FRMD3: variants seen among roughly 807,000 people sequenced by gnomAD.
FRMD3 encodes FERM domain containing 3, also known as FERM domain-containing protein 3.
Under a neutral mutation model 70.2 loss-of-function variants are expected in FRMD3, and 33 were observed. The ratio of observed to expected loss-of-function variants is 0.47; its 90% CI spans 0.36 to 0.63. The LOEUF (loss-of-function observed/expected upper bound fraction) is 0.63, where lower values mean the gene tolerates loss of function less well. Ranked by LOEUF, FRMD3 falls within the 20% of genes least tolerant of loss-of-function variation. The pLI is 0.00. For missense variants in FRMD3, 632 were observed against 711.4 expected, an observed-to-expected ratio of 0.89 and a Z score of 1.27; for synonymous variants, 279 against 255.9, an observed-to-expected ratio of 1.09 and a Z score of -0.86.
At chr9:83,478,623 T>C (rs1008752407) in intron 1 of FRMD3, among the ~76,000 whole-genome samples, 6 of 152,078 alleles carry the variant, frequency 3.9e-5, no homozygotes, top group African/African-American at 1.2e-4. Context: ...AGAATTACCA[T>C]AGGATCCAGC....
In FRMD3 at chr9:83,247,868, A is replaced by C; in HGVS notation, c.*50T>G. ...TCAGAACCAGGCATTTGCTGAAAAAAAGAAATCACTAGCATTGAATATAGC... is the reference window on the plus strand; with the variant it reads ...TCAGAACCAGGCATTTGCTGAAAAACAGAAATCACTAGCATTGAATATAGC... On this transcript the variant is annotated 3_prime_UTR_variant, in exon 14 of 14. Transcript: ENST00000304195. The C allele has an allele frequency of 6.3e-7, 1 of 1,579,446 alleles. No individual in the cohort carries two copies. The highest frequency in any genetic ancestry group is 8.6e-7 in the Non-Finnish European group (1 of 1,162,034).
At chr9:83,548,572 G>A in the FRMD3 span, among the ~76,000 whole-genome samples, 5 of 152,134 alleles carry the variant, frequency 3.3e-5, no homozygotes, top group East Asian at 7.7e-4. Context: ...CATGAGTTCA[G>A]GAGAGTGGGT....
At chr9:83,260,987 A>G (rs1832958964) in intron 13 of FRMD3, among the ~76,000 whole-genome samples, 1 of 152,096 alleles carries the variant, frequency 6.6e-6, no homozygotes, top group African/African-American at 2.4e-5. Flanking sequence ...AAGATCTAAT[A>G]CTACAAATGT....
intron 1 of FRMD3, among the ~76,000 whole-genome samples, chr9:83,406,487 C>T (rs1826107693): frequency 6.6e-6 from 1 of 152,184 alleles, no homozygotes; most frequent in African/African-American, 2.4e-5. Flanking sequence ...AGCTAGGGCT[C>T]TTAGGATGGA....
At chr9:83,419,817 AGTTT>A (rs756073867) in intron 1 of FRMD3, among the ~76,000 whole-genome samples, 2 of 152,148 alleles carry the variant, frequency 1.3e-5, no homozygotes, top group Non-Finnish European at 2.9e-5. Context: ...TCTATACCTG[AGTTT>A]GTTTTACAAT....
At chr9:83,341,656 C>T (rs1033893145) in intron 5 of FRMD3, among the ~76,000 whole-genome samples, 13 of 152,048 alleles carry the variant, frequency 8.5e-5, no homozygotes, top group Non-Finnish European at 1.5e-4. Context: ...ACTTCAGTGT[C>T]GGTGAAGGGG....
intron 6 of FRMD3, among the ~76,000 whole-genome samples, chr9:83,327,909 G>A (rs892506210): frequency 6.6e-6 from 1 of 152,098 alleles, no homozygotes; most frequent in African/African-American, 2.4e-5. Context: ...CTTTCACTTA[G>A]AGAGGGACAT....
chr9:83,443,372 T>C (rs1416624375), intron 1 of FRMD3, among the ~76,000 whole-genome samples: 2 of 152,200 alleles, frequency 1.3e-5, no homozygotes, highest in African/African-American at 4.8e-5. Flanking sequence ...TTCCCACCTA[T>C]GAGTGAGAAC....
chr9:83,376,159 TAAA>T (rs58886156), intron 2 of FRMD3, among the ~76,000 whole-genome samples: 4 of 129,554 alleles, frequency 3.1e-5, no homozygotes, highest in Non-Finnish European at 3.2e-5. Context: ...AGATTCTGTT[TAAA>T]AAAAAAAAAA....
chr9:83,461,545 G>A (rs578011341), intron 1 of FRMD3, among the ~76,000 whole-genome samples: 1 of 152,074 alleles, frequency 6.6e-6, no homozygotes, highest in Admixed American at 6.5e-5. Context: ...CCTAAAGGAT[G>A]AACTGGGTTT....
intron 1 of FRMD3, among the ~76,000 whole-genome samples, chr9:83,414,547 A>C (rs1457248731): frequency 6.6e-6 from 1 of 152,252 alleles, no homozygotes; most frequent in Non-Finnish European, 1.5e-5. Context: ...GTGAAGAACC[A>C]AGCTACAAGC....
At chr9:83,284,327 A>G (rs1834103816) in intron 13 of FRMD3, among the ~76,000 whole-genome samples, 1 of 152,014 alleles carries the variant, frequency 6.6e-6, no homozygotes, top group Non-Finnish European at 1.5e-5. Flanking sequence ...ACACCACTGC[A>G]GCCCAGGCAC....
At chr9:83,563,577 C>T in the FRMD3 span, among the ~76,000 whole-genome samples, 1 of 152,102 alleles carries the variant, frequency 6.6e-6, no homozygotes, top group African/African-American at 2.4e-5. Flanking sequence ...CCTCTGGTTC[C>T]ATTACCATCT....
intron 1 of FRMD3, among the ~76,000 whole-genome samples, chr9:83,511,350 G>A (rs908255677): frequency 3.9e-5 from 6 of 152,192 alleles, no homozygotes; most frequent in South Asian, 4.1e-4. Context: ...CCCAGAGAAG[G>A]GGGGAGGCTG....
chr9:83,372,690 G>A lies in FRMD3; in HGVS notation c.295+223C>T, dbSNP rs574087248. On this transcript the variant is annotated intron_variant, in intron 3 of 13. Transcript: ENST00000304195. ...GATATCAAATATGAGGGCAAGATGG[G>A]GGGGAGGGAGAGAGGCCCAGGAGAC... Among the ~76,000 whole-genome samples, 9 of 152,182 alleles carry A rather than the reference G, an allele frequency of 5.9e-5. No individual in the cohort carries two copies. The South Asian group carries it at 1.5e-3, about 25-fold the overall frequency.
intron 1 of FRMD3, among the ~76,000 whole-genome samples, chr9:83,468,786 G>A (rs1828196646): frequency 6.6e-6 from 1 of 152,196 alleles, no homozygotes; most frequent in South Asian, 2.1e-4. Context: ...CCTTTGCTCA[G>A]CTATTGGAGA....
chr9:83,259,437 G>A (rs1832885184), intron 13 of FRMD3, among the ~76,000 whole-genome samples: 4 of 152,152 alleles, frequency 2.6e-5, no homozygotes, highest in Admixed American at 2.6e-4. Context: ...CCCTGCGTCT[G>A]TTGGGTGGTT....
At chr9:83,442,535 C>T (rs1196630551) in intron 1 of FRMD3, among the ~76,000 whole-genome samples, 1 of 151,900 alleles carries the variant, frequency 6.6e-6, no homozygotes, top group Non-Finnish European at 1.5e-5. Context: ...TGGGATTACA[C>T]ATGGAACTTA....
At chr9:83,444,009 AT>A (rs1385502549) in intron 1 of FRMD3, among the ~76,000 whole-genome samples, 1 of 152,194 alleles carries the variant, frequency 6.6e-6, no homozygotes, top group African/African-American at 2.4e-5. Context: ...CTACAATTAT[AT>A]TTCTTTTATT....
Sources: allele counts gnomAD v4.1 joint callset (sites outside exome capture counted in the v4.1 genomes callset), GRCh38; gene constraint gnomAD v4.1.1; transcripts MANE v1.5; gene names NCBI Gene and HGNC (gene_info 2026-07-23, HGNC 2026-07-21).